The following LHX8 variants were observed in gnomAD, a reference collection of about 807,000 sequenced individuals.
LHX8 encodes LIM homeobox 8.
In LHX8, 12 loss-of-function variants were observed where a neutral mutation model predicts 40.3. The observed-to-expected ratio is 0.30, with a 90% CI of 0.19 to 0.48. The LOEUF (loss-of-function observed/expected upper bound fraction) is 0.48, where lower values mean the gene tolerates loss of function less well. Ranked by LOEUF, LHX8 falls within the 20% of genes least tolerant of loss-of-function variation. The probability of loss-of-function intolerance (pLI) is 0.99; values close to 1 mark genes in which losing one functional copy is unlikely to be tolerated. For missense variants in LHX8, 344 were observed against 433.7 expected (o/e 0.79, Z 1.84); for synonymous variants, 179 against 162.0 (o/e 1.10, Z -0.80).
At chr1:75,165,106 T>C (rs1649004543), downstream of LHX8, among the ~76,000 whole-genome samples, 1 of 152,210 alleles carries the variant, frequency 6.6e-6, no homozygotes, top group Admixed American at 6.5e-5. Context: ...GAGGTTTCAT[T>C]CACTTGATAT....
Position 75,155,134 on chromosome 1 carries a change from T to G in LHX8, c.781-1759T>G, listed in dbSNP as rs576828822. Among the ~76,000 whole-genome samples, 9 of 152,124 alleles carry G rather than the reference T, an allele frequency of 5.9e-5. No individual in the cohort carries two copies. In the East Asian group the frequency reaches 1.7e-3, roughly 29 times the overall value. ...CCCTGATCCCAAAATGTTCTCATGCTAAGTTTTTATCCCTTCGCCTCTCTT... is the reference window on the plus strand; with the variant it reads ...CCCTGATCCCAAAATGTTCTCATGCGAAGTTTTTATCCCTTCGCCTCTCTT... On this transcript the variant is annotated intron_variant, in intron 7 of 8. Coordinates refer to ENST00000356261, the MANE Select transcript of LHX8 (RefSeq NM_001256114.2).
intron 8 of LHX8, 97 bp downstream of exon 8, chr1:75,157,173 A>G: frequency 7.4e-7 from 1 of 1,344,352 alleles, no homozygotes; most frequent in African/African-American, 1.4e-5. Flanking sequence ...TTGAAATATT[A>G]CCTCAGTAGT....
the LHX8 span, among the ~76,000 whole-genome samples, chr1:75,185,528 A>G: frequency 6.6e-6 from 1 of 152,182 alleles, no homozygotes; most frequent in Non-Finnish European, 1.5e-5. Context: ...TAAACTAGGT[A>G]TTAAGGGAAC....
chr1:75,138,860 A>C (rs1442637293), intron 3 of LHX8, among the ~76,000 whole-genome samples: 2 of 152,172 alleles, frequency 1.3e-5, no homozygotes. Flanking sequence ...TTCCTTTGTA[A>C]TAGGGCAGGA....
At chr1:75,164,928 T>G (rs1649001277), downstream of LHX8, among the ~76,000 whole-genome samples, 1 of 152,088 alleles carries the variant, frequency 6.6e-6, no homozygotes, top group Admixed American at 6.6e-5. Flanking sequence ...CCCACCTGTC[T>G]TCCCAAAGTG....
At position 75,159,993 on chromosome 1, in the gene LHX8, G is replaced by A. The variant is rs570299110; in HGVS notation, c.965-826G>A. 5 of 152,238 alleles carry A rather than the reference G, an allele frequency of 3.3e-5. No homozygotes were observed. The South Asian group carries it at 1.0e-3, about 32-fold the overall frequency. 9.4% of individuals were successfully genotyped at this position (152,238 alleles called of 1,614,324 possible). On this transcript the variant is annotated intron_variant, in intron 8 of 8. Coordinates refer to ENST00000356261, the MANE Select transcript of LHX8 (RefSeq NM_001256114.2). ...TTTTAACTAGGGCTTCTCCTCTTCA[G>A]CGGGCCCTGCTCTTTAATTTTTGTT...
chr1:75,129,799 C>A (rs561977360), upstream of LHX8, among the ~76,000 whole-genome samples: 16 of 152,304 alleles, frequency 1.1e-4, no homozygotes, highest in South Asian at 3.3e-3. Flanking sequence ...TGAAGGGCCT[C>A]GGTTCCATCC....
the LHX8 span, among the ~76,000 whole-genome samples, chr1:75,193,376 T>C: frequency 6.6e-6 from 1 of 152,206 alleles, no homozygotes; most frequent in African/African-American, 2.4e-5. Context: ...TACATCTTAA[T>C]GTGCAGCAGA....
chr1:75,193,081 G>A, the LHX8 span, among the ~76,000 whole-genome samples: 2 of 152,176 alleles, frequency 1.3e-5, no homozygotes, highest in African/African-American at 4.8e-5. Context: ...TGCTTTTCCA[G>A]CTGCCTTTTG....
chr1:75,140,372 T>C (rs1488544062), intron 3 of LHX8, among the ~76,000 whole-genome samples: 1 of 152,210 alleles, frequency 6.6e-6, no homozygotes, highest in Non-Finnish European at 1.5e-5. Flanking sequence ...TTTCTACTTA[T>C]TTCTATTGTT....
downstream of LHX8, among the ~76,000 whole-genome samples, chr1:75,162,930 C>G (rs904708489): frequency 1.5e-4 from 22 of 151,600 alleles, no homozygotes; most frequent in Non-Finnish European, 1.0e-4. Context: ...AAAGAAAACT[C>G]TATATTGTTG....
intron 1 of LHX8, 88 bp downstream of exon 1, chr1:75,135,042 C>G: frequency 1.9e-6 from 1 of 538,306 alleles, no homozygotes; most frequent in Non-Finnish European, 2.4e-6. Flanking sequence ...TCGGGTGGAA[C>G]CGGAGACCTG....
the LHX8 span, among the ~76,000 whole-genome samples, chr1:75,186,978 G>A: frequency 2.6e-5 from 4 of 152,182 alleles, no homozygotes; most frequent in Admixed American, 6.5e-5. Flanking sequence ...CAGGATCAGA[G>A]TGAAACTGCC....
downstream of LHX8, among the ~76,000 whole-genome samples, chr1:75,163,619 C>T (rs981220684): frequency 1.3e-5 from 2 of 152,160 alleles, no homozygotes; most frequent in African/African-American, 4.8e-5. Flanking sequence ...CACTGGATGA[C>T]ATCTCATAAA....
At chr1:75,130,943 G>A (rs1647944583), upstream of LHX8, 2 of 641,100 alleles carry the variant, frequency 3.1e-6, no homozygotes, top group South Asian at 1.8e-5. Flanking sequence ...GCCAGAATCC[G>A]CACCTTCTTA....
At chr1:75,128,794 G>A (rs780648931) in intron 1 of LHX8, among the ~76,000 whole-genome samples, 15 of 152,142 alleles carry the variant, frequency 9.9e-5, no homozygotes, top group Non-Finnish European at 7.3e-5. Context: ...ATAAACCAGC[G>A]ACAAAGGAGA....
chr1:75,177,611 C>CA, the LHX8 span, among the ~76,000 whole-genome samples: 1 of 152,186 alleles, frequency 6.6e-6, no homozygotes, highest in Non-Finnish European at 1.5e-5. Context: ...ACGATCATGT[C>CA]ATCGGCAAAC....
the LHX8 span, among the ~76,000 whole-genome samples, chr1:75,188,441 C>G: frequency 6.6e-6 from 1 of 152,176 alleles, no homozygotes; most frequent in Non-Finnish European, 1.5e-5. Context: ...TCAAGACTTT[C>G]TACAACAGCT....
chr1:75,141,105 A>G lies in LHX8; in HGVS notation c.358A>G (p.Arg120Gly). 1.2e-6 allele frequency: 2 copies of G among 1,612,848 alleles called. No homozygotes were observed. Among genetic ancestry groups the G allele is most frequent in the Non-Finnish European group, 1.7e-6 (2 of 1,179,294 alleles). The change falls in exon 4 of 9, where the codon AGA (arginine) becomes GGA (glycine). Residue 120 changes from arginine (R) to glycine (G), a missense_variant and splice_region_variant. Physicochemically the swap from Arg to Gly is moderately radical, Grantham distance 125 (BLOSUM62 -2). Transcript: ENST00000356261. ...KDIFCKLDYF[R>G]RYGTRCSRCG... ...CATTTTCTGCAAACTTGATTATTTCAGGTATGCTGTGAAGCTTTTTCTTAG... is the reference window on the plus strand; with the variant it reads ...CATTTTCTGCAAACTTGATTATTTCGGGTATGCTGTGAAGCTTTTTCTTAG...
Sources: gnomAD v4.1 joint callset for allele counts (sites outside exome capture counted in the v4.1 genomes callset) on GRCh38, gnomAD v4.1.1 for gene constraint, MANE v1.5 for transcripts, NCBI Gene and HGNC (gene_info 2026-07-23, HGNC 2026-07-21) for gene names.